KIF13B: variants seen among roughly 807,000 people sequenced by gnomAD.
KIF13B encodes kinesin family member 13B, also known as kinesin-like protein KIF13B.
A neutral mutation model predicts 222.0 loss-of-function variants in KIF13B; 127 were observed. The observed-to-expected ratio is 0.57, with a 90% CI of 0.50 to 0.66. KIF13B has a LOEUF of 0.66. Among genes scored for constraint, KIF13B ranks in the 30% least tolerant of loss-of-function variants. The pLI is 0.00. For missense variants in KIF13B, 2,173 were observed against 2,379.0 expected (o/e 0.91, Z 1.80); for synonymous variants, 976 against 919.0 (o/e 1.06, Z -1.12).
chr8:29,177,180 G>A, intron 9 of KIF13B, among the ~76,000 whole-genome samples: 1 of 151,692 alleles, frequency 6.6e-6, no homozygotes, highest in Non-Finnish European at 1.5e-5. Flanking sequence ...GTGGGGAGAA[G>A]CCAGGGATGC....
At chr8:29,229,088 TAAAAAAAAAAA>T (rs370080449) in intron 2 of KIF13B, among the ~76,000 whole-genome samples, 2 of 94,692 alleles carry the variant, frequency 2.1e-5, no homozygotes, top group African/African-American at 7.9e-5. Context: ...ATGTCAGCTT[TAAAAAAAAAAA>T]AAAAAAAAAA....
At position 29,116,873 on chromosome 8, in the gene KIF13B, C is replaced by T. The variant is rs1809624416; in HGVS notation, c.3795G>A (p.Leu1265=). ...TGACACAGATTCTCTTGCGTAACAC[C>T]AGTTGCATGTCAGCAGGGTGGCTGA... is the stretch of plus-strand genomic sequence containing the variant. ...VQLSHPADMQ[L]VLRKRICVNV... Residue 1265 remains leucine, a synonymous_variant, in exon 31 of 40, where the codon CTG becomes CTA. Coordinates refer to ENST00000524189, the MANE Select transcript of KIF13B (RefSeq NM_015254.4). 3 of 1,613,184 alleles carry T rather than the reference C, an allele frequency of 1.9e-6. No homozygotes were observed. Among genetic ancestry groups the T allele is most frequent in the Non-Finnish European group, 2.5e-6 (3 of 1,179,314 alleles).
chr8:29,089,838 G>C (rs1423676767), intron 37 of KIF13B, among the ~76,000 whole-genome samples: 1 of 148,094 alleles, frequency 6.8e-6, no homozygotes, highest in Non-Finnish European at 1.5e-5. Flanking sequence ...AGGTTGCAGT[G>C]AGCCAAGATT....
At position 29,252,500 on chromosome 8, in the gene KIF13B, T is replaced by C. The variant is rs146346002; in HGVS notation, c.56-7061A>G. Among the ~76,000 whole-genome samples, 142 of 152,362 alleles carry C rather than the reference T, an allele frequency of 9.3e-4. No homozygotes were observed. The Middle Eastern group carries it at 0.014, about 15-fold the overall frequency. On this transcript the variant is annotated intron_variant, in intron 1 of 39. Transcript: ENST00000524189. ...AGAAACATAGGTGTACCTCCCTTTA[T>C]CTACCAGTCATGTTCCTAAATATCT...
intron 37 of KIF13B, among the ~76,000 whole-genome samples, chr8:29,080,320 C>T (rs1416260795): frequency 3.9e-5 from 4 of 101,554 alleles, no homozygotes; most frequent in Non-Finnish European, 5.8e-5. Flanking sequence ...AGAGTGAGAC[C>T]CAGTCTCAAA....
intron 18 of KIF13B, among the ~76,000 whole-genome samples, chr8:29,145,356 T>C (rs970911778): frequency 4.6e-5 from 7 of 152,072 alleles, no homozygotes; most frequent in Non-Finnish European, 7.4e-5. Context: ...GCTATCAAAT[T>C]AGAATAATAT....
intron 2 of KIF13B, among the ~76,000 whole-genome samples, chr8:29,199,503 C>T (rs755976789): frequency 2.0e-5 from 3 of 148,846 alleles, no homozygotes; most frequent in South Asian, 2.1e-4. Context: ...ACATTTTGAG[C>T]GCCAACATGA....
intron 36 of KIF13B, among the ~76,000 whole-genome samples, chr8:29,094,043 G>C (rs1252193080): frequency 6.6e-6 from 1 of 152,090 alleles, no homozygotes; most frequent in Non-Finnish European, 1.5e-5. Flanking sequence ...CTAGAGTAAG[G>C]ACAATCCCTC....
chr8:29,082,077 C>A (rs1470814906), intron 37 of KIF13B, among the ~76,000 whole-genome samples: 1 of 152,120 alleles, frequency 6.6e-6, no homozygotes, highest in Non-Finnish European at 1.5e-5. Context: ...AAATATGTAC[C>A]AGGTACCTAC....
intron 2 of KIF13B, among the ~76,000 whole-genome samples, chr8:29,235,608 C>T (rs1426046860): frequency 6.6e-6 from 1 of 151,980 alleles, no homozygotes; most frequent in East Asian, 1.9e-4. Flanking sequence ...TTTCTAGCAG[C>T]CACAGCCTGA....
chr8:29,094,576 T>C (rs2082265860), intron 36 of KIF13B, among the ~76,000 whole-genome samples: 1 of 152,178 alleles, frequency 6.6e-6, no homozygotes, highest in Non-Finnish European at 1.5e-5. Context: ...GGAATGGGAA[T>C]TAACTGGAGT....
intron 7 of KIF13B, among the ~76,000 whole-genome samples, chr8:29,180,550 A>G (rs1441139742): frequency 1.3e-5 from 2 of 152,226 alleles, no homozygotes; most frequent in African/African-American, 4.8e-5. Context: ...AGAAATTTGA[A>G]AAAACGTAGT....
intron 35 of KIF13B, among the ~76,000 whole-genome samples, chr8:29,099,889 C>T (rs1808712046): frequency 6.6e-6 from 1 of 152,164 alleles, no homozygotes; most frequent in South Asian, 2.1e-4. Flanking sequence ...TGCTTTGAGA[C>T]CACTTCTGCT....
At chr8:29,126,375 G>C (rs1045591322) in intron 26 of KIF13B, 107 bp downstream of exon 26, 1 of 746,280 alleles carries the variant, frequency 1.3e-6, no homozygotes, top group Non-Finnish European at 2.2e-6. Context: ...AAAAAAATCA[G>C]TATGAATTGT....
intron 2 of KIF13B, among the ~76,000 whole-genome samples, chr8:29,239,585 A>G (rs2130624884): frequency 6.6e-6 from 1 of 152,302 alleles, no homozygotes; most frequent in East Asian, 1.9e-4. Context: ...AGTGGGTACT[A>G]TGTTCACTGT....
In KIF13B at chr8:29,193,180, T is replaced by A. The variant is rs139235010; in HGVS notation, c.163-2123A>T. The stretch of plus-strand genomic sequence containing the variant: ...GAAGTGAAAGCAGACCCCCAGCGGC[T>A]GACAGCCCCTGAGAGCCCTTGGGCC... On this transcript the variant is annotated intron_variant, in intron 3 of 39. Coordinates refer to ENST00000524189, the MANE Select transcript of KIF13B (RefSeq NM_015254.4). Among the ~76,000 whole-genome samples the A allele has an allele frequency of 9.9e-4, 151 of 152,310 alleles. 1 individual carries two copies. Among genetic ancestry groups the A allele is most frequent in the Middle Eastern group, 3.4e-3 (1 of 292 alleles).
chr8:29,219,180 G>A (rs1410612476), intron 2 of KIF13B: 2 of 152,326 alleles, frequency 1.3e-5, no homozygotes, highest in Admixed American at 1.3e-4. Context: ...GCTCTGTCCT[G>A]AGCACTGACC....
Position 29,255,396 on chromosome 8 carries a change from C to T in KIF13B, c.55+7584G>A, listed in dbSNP as rs563333170. Among the ~76,000 whole-genome samples the T allele has an allele frequency of 9.9e-5, 15 of 152,220 alleles. No homozygotes were observed. The South Asian group carries it at 3.1e-3, about 32-fold the overall frequency. ...CTACACATTCACTACTCAGAAGACC[C>T]CAGCTCACCCAATTCCTCCTACTTT... On this transcript the variant is annotated intron_variant, in intron 1 of 39. Transcript: ENST00000524189.
chr8:29,198,724 C>CACATGCAT lies in KIF13B; in HGVS notation c.150-2533_150-2526dup, dbSNP rs369802199. Among the ~76,000 whole-genome samples, 714 of 152,316 alleles carry CACATGCAT rather than the reference C, an allele frequency of 4.7e-3. 4 individuals are homozygous for CACATGCAT. Among genetic ancestry groups the CACATGCAT allele is most frequent in the African/African-American group, 0.016 (659 of 41,568 alleles). On this transcript the variant is annotated intron_variant, in intron 2 of 39. Coordinates refer to ENST00000524189, the MANE Select transcript of KIF13B (RefSeq NM_015254.4). ...AAAATAAGTCATTATGTGAAAAAGA[C>CACATGCAT]ACATGCATATGTATGTTTATTGTAA...
Sources: allele counts gnomAD v4.1 joint callset (sites outside exome capture counted in the v4.1 genomes callset), GRCh38; gene constraint gnomAD v4.1.1; transcripts MANE v1.5; gene names NCBI Gene and HGNC (gene_info 2026-07-23, HGNC 2026-07-21).